Variants in SLC6A16 observed in about 807,000 individuals in gnomAD.
SLC6A16 encodes the protein solute carrier family 6 member 16.
A neutral mutation model predicts 65.4 loss-of-function variants in SLC6A16; 54 were observed. That is an observed-to-expected ratio of 0.83 (90% CI 0.66 to 1.04). The LOEUF (loss-of-function observed/expected upper bound fraction) is 1.04. Ranked by LOEUF, SLC6A16 falls within the 50% of genes least tolerant of loss-of-function variation. SLC6A16 has a pLI of 0.00. For synonymous variants in SLC6A16, 330 were observed against 346.5 expected, an observed-to-expected ratio of 0.95 and a Z score of 0.53; for missense variants, 816 against 914.0, an observed-to-expected ratio of 0.89 and a Z score of 1.38.
At chr19:49,318,269 G>T (rs920358878) in intron 1 of SLC6A16, among the ~76,000 whole-genome samples, 30 of 152,250 alleles carry the variant, frequency 2.0e-4, no homozygotes, top group Middle Eastern at 3.4e-3. Flanking sequence ...GTTTCCATCA[G>T]CCAGTGTGGA....
Position 49,289,920 on chromosome 19 carries a change from A to C in SLC6A16, c.*203T>G. 1 of 594,088 alleles carries C rather than the reference A, an allele frequency of 1.7e-6. No homozygotes were observed. The highest frequency in any genetic ancestry group is 3.0e-6 in the Non-Finnish European group (1 of 335,240). The allele number at this position is 594,088 out of a possible 1,614,324, so 36.8% of individuals were successfully genotyped here. A position where few individuals can be genotyped will look rare whatever the true frequency, so the allele number is the denominator to read the frequency against. On this transcript the variant is annotated 3_prime_UTR_variant, in exon 12 of 12. Coordinates refer to ENST00000335875, the MANE Select transcript of SLC6A16 (RefSeq NM_014037.3). The stretch of plus-strand genomic sequence containing the variant: ...TGTGTTGAGGAAGAGGATGGGGAAA[A>C]CAATGATGGTGGTCACCAGGTAAGA...
chr19:49,304,638 G>T (rs1043552382), intron 7 of SLC6A16, among the ~76,000 whole-genome samples: 14 of 152,262 alleles, frequency 9.2e-5, no homozygotes, highest in African/African-American at 2.9e-4. Context: ...GGTGGCACAT[G>T]CCTGTAATCC....
intron 7 of SLC6A16, among the ~76,000 whole-genome samples, chr19:49,300,169 AT>A (rs1313720036): frequency 6.6e-6 from 1 of 152,174 alleles, no homozygotes; most frequent in Non-Finnish European, 1.5e-5. Context: ...ATATCTTTGC[AT>A]TTTAGCAAAA....
chr19:49,338,646 C>T, the SLC6A16 span: 1 of 1,343,462 alleles, frequency 7.4e-7, no homozygotes, highest in Non-Finnish European at 1.1e-6. This position sits in a 1 kb window ranked among gnomAD's most constrained non-coding sequence, Gnocchi z 5.0. Context: ...TCCCCTGATC[C>T]CCAACATCAT....
rs371186183 is a variant in SLC6A16 at position 49,311,229 on chromosome 19, C to T, written c.119G>A (p.Arg40Gln). 40 of 1,613,948 alleles carry T rather than the reference C, an allele frequency of 2.5e-5. No homozygotes were observed. The highest frequency in any genetic ancestry group is 3.3e-5 in the South Asian group (3 of 91,062). ...CTCTGAGGTCCAAGATGTTGCAGACCGGGTCAATGAACCCTTGTCTTCCCA... is the reference window on the plus strand; with the variant it reads ...CTCTGAGGTCCAAGATGTTGCAGACTGGGTCAATGAACCCTTGTCTTCCCA... ...QTWEDKGSLT[R>Q]SATSWTSEAQ... The change falls in exon 2 of 12, where the codon CGG (arginine) becomes CAG (glutamine). Residue 40 changes from arginine (R) to glutamine (Q), a missense_variant. Transcript: ENST00000335875.
At chr19:49,338,130 T>C in the SLC6A16 span, 45 of 1,509,610 alleles carry the variant, frequency 3.0e-5, no homozygotes, top group South Asian at 5.4e-4. This position sits in a 1 kb window ranked among gnomAD's most constrained non-coding sequence, Gnocchi z 5.0. Flanking sequence ...AGCTCTACGA[T>C]CCTAACACAC....
chr19:49,305,919 G>A (rs1182780143), intron 7 of SLC6A16: 2 of 152,116 alleles, frequency 1.3e-5, no homozygotes, highest in Non-Finnish European at 2.9e-5. Context: ...CATAAAACTG[G>A]AAAGACTCCA....
At chr19:49,339,633 C>G in the SLC6A16 span, 1 of 1,430,170 alleles carries the variant, frequency 7.0e-7, no homozygotes, top group Non-Finnish European at 9.1e-7. The surrounding 1 kb of genome is among the most constrained non-coding windows in gnomAD (Gnocchi z 4.5). Context: ...CTATTGGCTG[C>G]GATCTCCCTC....
chr19:49,332,389 T>C, the SLC6A16 span: 1 of 403,590 alleles, frequency 2.5e-6, no homozygotes, highest in African/African-American at 2.1e-5. Context: ...ACCCCATCTC[T>C]ACTAAAAATA....
At chr19:49,303,623 C>G (rs1357078303) in intron 7 of SLC6A16, among the ~76,000 whole-genome samples, 1 of 150,652 alleles carries the variant, frequency 6.6e-6, no homozygotes, top group Non-Finnish European at 1.5e-5. Flanking sequence ...CCACTGCACT[C>G]CAGCCTGAGT....
rs368964600 is a variant in SLC6A16 at position 49,299,546 on chromosome 19, A to AAAAG, written c.1230-4997_1230-4994dup. On this transcript the variant is annotated intron_variant, in intron 7 of 11. Transcript: ENST00000335875. ...GGGAGGCTTGGTGTAAAAAAAAAAA[A>AAAAG]AAAGAAAGAAAGAAAGAGAAAGCTG... Among the ~76,000 whole-genome samples, 254 of 126,484 alleles carry AAAAG rather than the reference A, an allele frequency of 2.0e-3. 1 individual carries two copies. The highest frequency in any genetic ancestry group is 5.8e-3 in the African/African-American group (182 of 31,178). 83.0% of individuals were successfully genotyped at this position (126,484 alleles called of 152,430 possible). A position where few individuals can be genotyped will look rare whatever the true frequency, so the allele number is the denominator to read the frequency against.
In SLC6A16 at chr19:49,292,351, A is replaced by T. The variant is rs1429479760; in HGVS notation, c.1778+872T>A. Among the ~76,000 whole-genome samples, 1 of 152,156 alleles carries T rather than the reference A, an allele frequency of 6.6e-6. No homozygotes were observed. Among genetic ancestry groups the T allele is most frequent in the African/African-American group, 2.4e-5 (1 of 41,434 alleles). On this transcript the variant is annotated intron_variant, in intron 10 of 11. Transcript: ENST00000335875. This position sits in a 1 kb window ranked among gnomAD's most constrained non-coding sequence, Gnocchi z 4.3. ...CACTGCACTCCAGCCTGGGCAACAG[A>T]GCAAGACTCCATCTCAAAAAGAAAG...
rs1283312535 is a variant in SLC6A16, at chr19:49,311,330, C to T, written c.18G>A (p.Gln6=). 6.3e-7 allele frequency: 1 copy of T among 1,586,968 alleles called. No individual in the cohort carries two copies. Among genetic ancestry groups the T allele is most frequent in the Non-Finnish European group, 8.6e-7 (1 of 1,167,046 alleles). The change falls in exon 2 of 12, where the codon CAG becomes CAA. Residue 6 remains glutamine (Q), a synonymous_variant. Coordinates refer to ENST00000335875, the MANE Select transcript of SLC6A16 (RefSeq NM_014037.3). ...TGTTTGCCAGCAAGGATGTCGAAGG[C>T]TGGGCCTCTGTCTTCATCTCACACA... is the stretch of plus-strand genomic sequence containing the variant. MKTEA[Q]PSTSLLANTS... is the part of the protein sequence containing the mutation.
intron 1 of SLC6A16, among the ~76,000 whole-genome samples, chr19:49,316,541 G>C (rs146674668): frequency 6.6e-6 from 1 of 152,138 alleles, no homozygotes; most frequent in African/African-American, 2.4e-5. Context: ...AAAACTAGAA[G>C]ATGTCTTGCC....
intron 10 of SLC6A16, among the ~76,000 whole-genome samples, chr19:49,291,895 C>T (rs192606996): frequency 3.4e-4 from 52 of 152,230 alleles, no homozygotes; most frequent in African/African-American, 1.2e-3. Context: ...TCTGTGCCCC[C>T]GGAGTTGCCC....
At chr19:49,302,038 A>C (rs354012) in intron 7 of SLC6A16, among the ~76,000 whole-genome samples, 120,814 of 152,198 alleles carry the variant, frequency 0.79, 48,565 homozygotes, top group African/African-American at 0.92. Context: ...ATGCAGATGG[A>C]CTGACCTCTG....
chr19:49,332,102 A>G, the SLC6A16 span: 1 of 456,066 alleles, frequency 2.2e-6, no homozygotes, highest in South Asian at 1.5e-5. Context: ...CCAGGGCCAC[A>G]CTCCCTCCAG....
the SLC6A16 span, chr19:49,338,629 C>A: frequency 8.7e-7 from 1 of 1,149,788 alleles, no homozygotes; most frequent in Non-Finnish European, 1.3e-6. The surrounding 1 kb of genome is among the most constrained non-coding windows in gnomAD (Gnocchi z 5.0). Context: ...TCATACCCAT[C>A]ACCTTGTCCC....
chr19:49,312,168 G>A (rs1208788363), intron 1 of SLC6A16, among the ~76,000 whole-genome samples: 1 of 151,948 alleles, frequency 6.6e-6, no homozygotes, highest in East Asian at 1.9e-4. Context: ...GAAATAAAAG[G>A]ATTTCTAAGA....
Sources: gnomAD v4.1 joint callset for allele counts (sites outside exome capture counted in the v4.1 genomes callset) on GRCh38, gnomAD v4.1.1 for gene constraint, Gnocchi (gnomAD v3.1) non-coding constraint, MANE v1.5 for transcripts, NCBI Gene and HGNC (gene_info 2026-07-23, HGNC 2026-07-21) for gene names.